The following FREM3 variants were observed in gnomAD, a reference collection of about 807,000 sequenced individuals.
The protein encoded by FREM3 is FRAS1-related extracellular matrix protein 3.
Under a neutral mutation model 129.1 loss-of-function variants are expected in FREM3, and 105 were observed. That is an observed-to-expected ratio of 0.81 (90% confidence interval 0.69 to 0.96). The LOEUF (loss-of-function observed/expected upper bound fraction) is 0.96, where lower values mean the gene tolerates loss of function less well. Ranked by LOEUF, FREM3 falls within the 40% of genes least tolerant of loss-of-function variation. The probability of loss-of-function intolerance (pLI) is 0.00; values close to 1 mark genes in which losing one functional copy is unlikely to be tolerated. For synonymous variants in FREM3, 1,014 were observed against 1,044.9 expected, an observed-to-expected ratio of 0.97 and a Z score of 0.57; for missense variants, 2,593 against 2,666.3, an observed-to-expected ratio of 0.97 and a Z score of 0.61.
intron 6 of FREM3, among the ~76,000 whole-genome samples, chr4:143,603,534 G>A (rs972362791): frequency 6.6e-6 from 1 of 152,050 alleles, no homozygotes; most frequent in African/African-American, 2.4e-5. Flanking sequence ...AATACATTCT[G>A]TAGCCTCAGT....
Position 143,671,996 on chromosome 4 carries a change from T to C in FREM3, c.5275+21117A>G, listed in dbSNP as rs192343522. On this transcript the variant is annotated intron_variant, in intron 2 of 7. Transcript: ENST00000329798. The stretch of plus-strand genomic sequence containing the variant: ...ATAAAATGCTGAGACCACACCCAGC[T>C]CTATCATGTGACATAGAGTTGTCAA... 6.6e-5 allele frequency among the ~76,000 whole-genome samples: 10 copies of C among 152,264 alleles called. No individual in the cohort carries two copies. In the East Asian group the frequency reaches 1.7e-3, roughly 26 times the overall value.
At chr4:143,689,521 C>T (rs1740427224) in intron 2 of FREM3, among the ~76,000 whole-genome samples, 1 of 152,078 alleles carries the variant, frequency 6.6e-6, no homozygotes, top group Non-Finnish European at 1.5e-5. Flanking sequence ...TCCAGCAATC[C>T]CACTACTAGG....
rs148229261 is a variant in FREM3, at chr4:143,647,382, G to T, written c.5276-19622C>A. Among the ~76,000 whole-genome samples the T allele has an allele frequency of 4.1e-3, 631 of 152,330 alleles. 5 individuals carry two copies. Among genetic ancestry groups the T allele is most frequent in the African/African-American group, 0.014 (583 of 41,566 alleles). On this transcript the variant is annotated intron_variant, in intron 2 of 7. Coordinates refer to ENST00000329798, the MANE Select transcript of FREM3 (RefSeq NM_001168235.2). ...AAGCCTGCTGCATAAATTTGCATAA[G>T]TAATGAGGAGCCAAATGTTAGTCAC...
In FREM3 at chr4:143,642,803, A is replaced by T. The variant is rs1048680291; in HGVS notation, c.5276-15043T>A. ...AGACAAATGGAATGACATCAAACTC[A>T]CATGCTTTTGCACAGCAAAGGAAAC... On this transcript the variant is annotated intron_variant, in intron 2 of 7. Coordinates refer to ENST00000329798, the MANE Select transcript of FREM3 (RefSeq NM_001168235.2). Among the ~76,000 whole-genome samples, 3 of 151,016 alleles carry T rather than the reference A, an allele frequency of 2.0e-5. No homozygotes were observed. In the East Asian group the frequency reaches 5.9e-4, roughly 30 times the overall value.
chr4:143,602,874 G>T (rs1281413941), intron 6 of FREM3, among the ~76,000 whole-genome samples: 3 of 152,160 alleles, frequency 2.0e-5, no homozygotes, highest in African/African-American at 7.2e-5. Flanking sequence ...CCTGTTTCTA[G>T]CTATCTTAAG....
intron 2 of FREM3, among the ~76,000 whole-genome samples, chr4:143,644,072 C>T (rs961792656): frequency 2.0e-5 from 3 of 151,988 alleles, no homozygotes; most frequent in Admixed American, 2.0e-4. Flanking sequence ...TACTGTTATA[C>T]GATGATCAGG....
At chr4:143,662,046 G>T (rs1316190502) in intron 2 of FREM3, among the ~76,000 whole-genome samples, 2 of 151,852 alleles carry the variant, frequency 1.3e-5, no homozygotes, top group Non-Finnish European at 2.9e-5. Context: ...ACCAGCTCCT[G>T]GATTCATTGA....
chr4:143,608,831 A>C (rs957093066), intron 6 of FREM3, among the ~76,000 whole-genome samples: 2 of 152,172 alleles, frequency 1.3e-5, no homozygotes, highest in African/African-American at 4.8e-5. Flanking sequence ...CAAAATAGAT[A>C]GCTTAAAACA....
intron 6 of FREM3, among the ~76,000 whole-genome samples, chr4:143,609,788 C>G (rs1449093322): frequency 6.6e-6 from 1 of 152,142 alleles, no homozygotes; most frequent in Non-Finnish European, 1.5e-5. Flanking sequence ...GATGTCTCAA[C>G]CAGACAAATT....
At chr4:143,597,631 A>T (rs1394007442) in intron 6 of FREM3, among the ~76,000 whole-genome samples, 17 of 152,242 alleles carry the variant, frequency 1.1e-4, no homozygotes, top group Non-Finnish European at 4.4e-5. Flanking sequence ...ATAACAAACT[A>T]TCTGAAAAGA....
chr4:143,670,351 C>A (rs1207893948), intron 2 of FREM3, among the ~76,000 whole-genome samples: 1 of 152,084 alleles, frequency 6.6e-6, no homozygotes, highest in African/African-American at 2.4e-5. Context: ...ATACTTTTCA[C>A]TTCTGAAGAG....
intron 6 of FREM3, among the ~76,000 whole-genome samples, chr4:143,607,499 C>T (rs1198263112): frequency 6.6e-6 from 1 of 152,058 alleles, no homozygotes. Context: ...CACAGTGTTA[C>T]TAGAAGAGGA....
Position 143,699,846 on chromosome 4 carries a change from T to C in FREM3, c.830A>G (p.Gln277Arg). The C allele has an allele frequency of 6.5e-7, 1 of 1,536,586 alleles. No individual in the cohort carries two copies. The highest frequency in any genetic ancestry group is 8.7e-7 in the Non-Finnish European group (1 of 1,146,880). The change falls in exon 1 of 8, where the codon CAA becomes CGA. Residue 277 changes from glutamine (Q) to arginine (R), a missense_variant. Gln to Arg is a conservative substitution (Grantham distance 43). Transcript: ENST00000329798. The surrounding 1 kb of genome is among the most constrained non-coding windows in gnomAD (Gnocchi z 4.2). ...MMVELLGPEG[Q>R]DAGSAGVLVR... The stretch of plus-strand genomic sequence containing the variant: ...CAGCACACCCGCGGACCCAGCGTCT[T>C]GGCCCTCAGGCCCCAGCAGCTCCAC...
chr4:143,607,372 A>G (rs548227475), intron 6 of FREM3, among the ~76,000 whole-genome samples: 2 of 152,206 alleles, frequency 1.3e-5, no homozygotes, highest in Admixed American at 6.5e-5. Context: ...TTTTAATAGT[A>G]CTTTTTTTCT....
At chr4:143,674,433 A>G (rs1448340907) in intron 2 of FREM3, among the ~76,000 whole-genome samples, 1 of 152,222 alleles carries the variant, frequency 6.6e-6, no homozygotes, top group Non-Finnish European at 1.5e-5. Flanking sequence ...GCCACTGCAA[A>G]AACATGCCAA....
chr4:143,581,388 G>A (rs185181021), intron 7 of FREM3, among the ~76,000 whole-genome samples: 9 of 148,426 alleles, frequency 6.1e-5, no homozygotes, highest in African/African-American at 2.5e-5. Flanking sequence ...TGACACCTCC[G>A]GCATGGCACA....
intron 2 of FREM3, among the ~76,000 whole-genome samples, chr4:143,678,554 A>G (rs988593662): frequency 6.6e-6 from 1 of 151,828 alleles, no homozygotes; most frequent in African/African-American, 2.4e-5. Context: ...ATATATATAT[A>G]TATGTAAAAA....
At position 143,697,453 on chromosome 4, in the gene FREM3, C is replaced by A; in HGVS notation, c.3223G>T (p.Gly1075Trp). ...CCTTCATAGACAATGAAGGACTCCC[C>A]GACGAAGACCTTGGGTCCCACATTG... The part of the protein sequence containing the change: ...VDNVGPKVFV[G>W]ESFIVYEGEK... Residue 1075 changes from glycine (G) to tryptophan (W), a missense_variant, in exon 1 of 8, where the codon GGG (glycine) becomes TGG (tryptophan). Physicochemically the swap from Gly to Trp is radical, Grantham distance 184 (BLOSUM62 -2). Around this residue, in one of 2 missense-constraint regions of FREM3, gnomAD observed 2,276 missense variants for 2,267.2 expected, o/e 1.00. Coordinates refer to ENST00000329798, the MANE Select transcript of FREM3 (RefSeq NM_001168235.2). The A allele has an allele frequency of 6.5e-7, 1 of 1,537,156 alleles. No homozygotes were observed. Among genetic ancestry groups the A allele is most frequent in the Non-Finnish European group, 8.7e-7 (1 of 1,146,862 alleles).
chr4:143,676,446 GC>G (rs1314981706), intron 2 of FREM3, among the ~76,000 whole-genome samples: 1 of 152,100 alleles, frequency 6.6e-6, no homozygotes, highest in Non-Finnish European at 1.5e-5. Context: ...TACTGAATGG[GC>G]AAAAACTGGA....
Sources: allele counts gnomAD v4.1 joint callset (sites outside exome capture counted in the v4.1 genomes callset), GRCh38; gene constraint gnomAD v4.1.1; regional missense constraint gnomAD v4.1.1; non-coding constraint Gnocchi (gnomAD v3.1); transcripts MANE v1.5; gene names NCBI Gene and HGNC (gene_info 2026-07-23, HGNC 2026-07-21).